Variants in PLXNA2 observed in about 807,000 individuals in gnomAD.
The protein encoded by PLXNA2 is plexin-A2.
In PLXNA2, 91 loss-of-function variants were observed where a neutral mutation model predicts 193.5. The observed-to-expected ratio is 0.47, with a 90% CI of 0.40 to 0.56. The LOEUF is 0.56. Ranked by LOEUF, PLXNA2 falls within the 20% of genes least tolerant of loss-of-function variation. The pLI is 0.00. For synonymous variants in PLXNA2, 997 were observed against 1,027.3 expected (o/e 0.97, Z 0.56); for missense variants, 1,995 against 2,503.2 (o/e 0.80, Z 4.33).
rs56384277 is a variant in PLXNA2 at position 208,185,696 on chromosome 1, CAAAAAA to C, written c.1371+24578_1371+24583del. On this transcript the variant is annotated intron_variant, in intron 3 of 31. Transcript: ENST00000367033. ...TTTATTCCTTGTTGGTCTCTGAAAG[CAAAAAA>C]AAAAAAAAAAAAAAAAGGAAAAAAA... 6.3e-4 allele frequency among the ~76,000 whole-genome samples: 36 copies of C among 57,264 alleles called. No homozygotes were observed. In the South Asian group the frequency reaches 0.012, roughly 19 times the overall value. The allele number at this position is 57,264 out of a possible 152,430, so 37.6% of individuals were successfully genotyped here. A position where few individuals can be genotyped will look rare whatever the true frequency, so the allele number is the denominator to read the frequency against.
chr1:208,106,737 TC>T (rs1667282185), intron 4 of PLXNA2, among the ~76,000 whole-genome samples: 1 of 152,260 alleles, frequency 6.6e-6, no homozygotes, highest in Admixed American at 6.5e-5. Flanking sequence ...CTGTTCTTCT[TC>T]CTTTTTGAAA....
intron 4 of PLXNA2, among the ~76,000 whole-genome samples, chr1:208,116,358 C>CCA (rs1370586289): frequency 1.3e-5 from 2 of 152,158 alleles, no homozygotes; most frequent in Non-Finnish European, 2.9e-5. Flanking sequence ...CTGTATGCTC[C>CCA]CACTTCAGTT....
chr1:208,037,519 C>T (rs12087306), intron 26 of PLXNA2, among the ~76,000 whole-genome samples: 8,946 of 152,204 alleles, frequency 0.059, 431 homozygotes, highest in African/African-American at 0.12. Context: ...GACGATCCCA[C>T]GGGTCTTGCA....
rs564164929 is a variant in PLXNA2, at chr1:208,215,424, G to A, written c.1188+1311C>T. Among the ~76,000 whole-genome samples the A allele has an allele frequency of 4.6e-5, 7 of 152,236 alleles. No individual in the cohort carries two copies. The East Asian group carries it at 1.3e-3, about 29-fold the overall frequency. ...ATGATGGTGGATGAATAAAGAGAGG[G>A]ATGAATGGATAGATGGAGGGCTAGG... On this transcript the variant is annotated intron_variant, in intron 2 of 31. Transcript: ENST00000367033.
At chr1:208,133,495 TAGAA>T (rs1668220364) in intron 4 of PLXNA2, among the ~76,000 whole-genome samples, 1 of 152,224 alleles carries the variant, frequency 6.6e-6, no homozygotes, top group South Asian at 2.1e-4. Context: ...GAATATTACT[TAGAA>T]AGACAGCCCT....
intron 8 of PLXNA2, among the ~76,000 whole-genome samples, chr1:208,095,531 T>C (rs912551454): frequency 1.3e-5 from 2 of 152,102 alleles, no homozygotes; most frequent in Non-Finnish European, 2.9e-5. Flanking sequence ...CTGCTCCACC[T>C]CCCCATCCAG....
intron 12 of PLXNA2, among the ~76,000 whole-genome samples, chr1:208,069,732 C>T (rs551300412): frequency 1.5e-4 from 23 of 152,262 alleles, no homozygotes; most frequent in African/African-American, 5.1e-4. Flanking sequence ...GCCCAGCTCC[C>T]GTTCTAGAGA....
chr1:208,221,046 G>T lies in PLXNA2; in HGVS notation c.-80-3044C>A, dbSNP rs982051065. On this transcript the variant is annotated intron_variant, in intron 1 of 31. Coordinates refer to ENST00000367033, the MANE Select transcript of PLXNA2 (RefSeq NM_025179.4). ...CACAGGATCCTGAGAGTTAGACTGAGAATGAGAAACGTCCTGATGTCTAGA... is the reference window on the plus strand; with the variant it reads ...CACAGGATCCTGAGAGTTAGACTGATAATGAGAAACGTCCTGATGTCTAGA... 1.5e-4 allele frequency among the ~76,000 whole-genome samples: 23 copies of T among 152,170 alleles called. No homozygotes were observed. In the East Asian group the frequency reaches 4.4e-3, roughly 29 times the overall value.
intron 29 of PLXNA2, chr1:208,030,617 G>A (rs1226922351): frequency 2.0e-6 from 2 of 985,414 alleles, no homozygotes; most frequent in Non-Finnish European, 2.4e-6. Context: ...AGATGGGGCT[G>A]GGGTTGGCTT....
intron 29 of PLXNA2, chr1:208,031,071 G>A (rs1664487108): frequency 1.0e-6 from 1 of 990,396 alleles, no homozygotes; most frequent in African/African-American, 1.7e-5. Flanking sequence ...AATCCTCCCT[G>A]TCAGTGGGCT....
chr1:208,134,389 G>A (rs929252932), intron 4 of PLXNA2, among the ~76,000 whole-genome samples: 2 of 152,074 alleles, frequency 1.3e-5, no homozygotes, highest in South Asian at 4.2e-4. Context: ...GCCCCGGGAG[G>A]TGGGAGGCAG....
Position 208,102,311 on chromosome 1 carries a change from T to C in PLXNA2, c.1607+836A>G, listed in dbSNP as rs78391313. Among the ~76,000 whole-genome samples the C allele has an allele frequency of 4.6e-5, 7 of 152,382 alleles. No individual in the cohort carries two copies. In the East Asian group the frequency reaches 1.3e-3, roughly 29 times the overall value. On this transcript the variant is annotated intron_variant, in intron 5 of 31. Coordinates refer to ENST00000367033, the MANE Select transcript of PLXNA2 (RefSeq NM_025179.4). ...CCCAGCTCATTTCATGGAGATGCTT[T>C]GCTAGCTGGCATGGAGCCCTGGAGT...
intron 3 of PLXNA2, among the ~76,000 whole-genome samples, chr1:208,167,563 C>T (rs889203709): frequency 6.6e-6 from 1 of 152,166 alleles, no homozygotes; most frequent in Non-Finnish European, 1.5e-5. Context: ...AATTGAGGTC[C>T]ATATGCCCTA....
chr1:208,103,019 C>G, intron 5 of PLXNA2, 128 bp downstream of exon 5: 4 of 719,204 alleles, frequency 5.6e-6, no homozygotes, highest in Non-Finnish European at 9.8e-6. Flanking sequence ...AACACTGAAG[C>G]CACGATTAGA....
chr1:208,169,007 G>A (rs1401958714), intron 3 of PLXNA2, among the ~76,000 whole-genome samples: 1 of 152,022 alleles, frequency 6.6e-6, no homozygotes, highest in Non-Finnish European at 1.5e-5. Context: ...TTTTCTATAA[G>A]GCCAAGCTGA....
intron 12 of PLXNA2, among the ~76,000 whole-genome samples, chr1:208,064,068 T>C (rs1270840514): frequency 6.6e-6 from 1 of 152,096 alleles, no homozygotes; most frequent in Non-Finnish European, 1.5e-5. Flanking sequence ...GGACTCACCA[T>C]GCACCCAGCC....
chr1:208,023,156 CCT>C lies in PLXNA2; in HGVS notation c.*4085_*4086del, dbSNP rs1664235386. On this transcript the variant is annotated 3_prime_UTR_variant, in exon 32 of 32. Transcript: ENST00000367033. Reference sequence around the variant, plus strand: ...TTCCCCGTCGATCTGCTCCCACAGCCCTGTGTCTGTGAAGCCACTTTGCATTT... The same window carrying C: ...TTCCCCGTCGATCTGCTCCCACAGCCGTGTCTGTGAAGCCACTTTGCATTT... 6.6e-6 allele frequency: 1 copy of C among 152,240 alleles called. No homozygotes were observed. 9.4% of individuals were successfully genotyped at this position (152,240 alleles called of 1,614,324 possible). A position where few individuals can be genotyped will look rare whatever the true frequency, so the allele number is the denominator to read the frequency against.
chr1:208,152,689 A>G (rs868682857), intron 3 of PLXNA2, among the ~76,000 whole-genome samples: 9 of 147,214 alleles, frequency 6.1e-5, no homozygotes, highest in African/African-American at 2.1e-4. Flanking sequence ...ACACGCACAC[A>G]CACACACACA....
Position 208,027,320 on chromosome 1 carries a change from G to T in PLXNA2, c.5608C>A (p.Gln1870Lys). ...CGCTGCCGCCGTGCCTGCTCATCCT[G>T]CTCTAGGGCCCCGATGAGCTGAGGA... ...YSEELIGALE[Q>K]DEQARRQRLA... The change falls in exon 32 of 32, where the codon CAG becomes AAG. Residue 1870 changes from glutamine (Q) to lysine (K), a missense_variant. By Grantham distance (53) the Gln-to-Lys change is moderately conservative. Coordinates refer to ENST00000367033, the MANE Select transcript of PLXNA2 (RefSeq NM_025179.4). 6.2e-7 allele frequency: 1 copy of T among 1,613,158 alleles called. No homozygotes were observed.
Sources: allele counts gnomAD v4.1 joint callset (sites outside exome capture counted in the v4.1 genomes callset), GRCh38; gene constraint gnomAD v4.1.1; transcripts MANE v1.5; gene names NCBI Gene and HGNC (gene_info 2026-07-23, HGNC 2026-07-21).